GPC6: variants seen among roughly 807,000 people sequenced by gnomAD.
GPC6 encodes glypican 6, also known as glypican-6.
Under a neutral mutation model 55.2 loss-of-function variants are expected in GPC6, and 14 were observed. The observed-to-expected ratio is 0.25, with a 90% CI of 0.17 to 0.40. The LOEUF (loss-of-function observed/expected upper bound fraction) is 0.40, where lower values mean the gene tolerates loss of function less well. Among genes scored for constraint, GPC6 ranks in the 10% least tolerant of loss-of-function variants. GPC6 has a pLI of 1.00. For missense variants in GPC6, 641 were observed against 708.5 expected (o/e 0.90, Z 1.08); for synonymous variants, 278 against 259.6 (o/e 1.07, Z -0.68).
intron 2 of GPC6, among the ~76,000 whole-genome samples, chr13:93,724,986 A>T (rs1427384092): frequency 6.6e-6 from 1 of 151,992 alleles, no homozygotes; most frequent in African/African-American, 2.4e-5. Context: ...CCTAACATTT[A>T]AAAAAAAGTG....
At chr13:94,166,173 T>C (rs1304215457) in intron 4 of GPC6, among the ~76,000 whole-genome samples, 1 of 152,208 alleles carries the variant, frequency 6.6e-6, no homozygotes, top group Non-Finnish European at 1.5e-5. Context: ...GTTATCGTCA[T>C]CCCATGTCGA....
At chr13:93,910,292 G>GC (rs911136570) in intron 3 of GPC6, among the ~76,000 whole-genome samples, 2 of 152,000 alleles carry the variant, frequency 1.3e-5, no homozygotes. Context: ...TCTTTCTCTT[G>GC]CCCACCACCA....
intron 1 of GPC6, among the ~76,000 whole-genome samples, chr13:93,502,372 A>G (rs1880555240): frequency 6.6e-6 from 1 of 152,130 alleles, no homozygotes; most frequent in South Asian, 2.1e-4. Context: ...ACAATATTTT[A>G]AATATAAATT....
At chr13:93,513,050 G>C (rs1692423866) in intron 1 of GPC6, among the ~76,000 whole-genome samples, 1 of 152,132 alleles carries the variant, frequency 6.6e-6, no homozygotes, top group Admixed American at 6.6e-5. Context: ...GACTTTGTTA[G>C]CTATTGTCCT....
chr13:93,275,415 T>C (rs112135248), intron 1 of GPC6, among the ~76,000 whole-genome samples: 1,538 of 152,288 alleles, frequency 0.01, 29 homozygotes, highest in African/African-American at 0.035. Flanking sequence ...TATGTTTGAC[T>C]AGATAGTAAA....
At chr13:93,433,119 G>A (rs1228825243) in intron 1 of GPC6, among the ~76,000 whole-genome samples, 1 of 152,234 alleles carries the variant, frequency 6.6e-6, no homozygotes. Context: ...AAATCTATGT[G>A]AGCTATCAGT....
In GPC6 at chr13:93,820,460, T is replaced by C. The variant is rs908973778; in HGVS notation, c.320-9694T>C. On this transcript the variant is annotated intron_variant, in intron 2 of 8. Coordinates refer to ENST00000377047, the MANE Select transcript of GPC6 (RefSeq NM_005708.5). ...ATTTTTGAATTATGTGTTACAGTAT[T>C]TTTAACAGCCAATATACTTATGATT... Among the ~76,000 whole-genome samples the C allele has an allele frequency of 5.9e-5, 9 of 152,212 alleles. 1 individual carries two copies. Among genetic ancestry groups the C allele is most frequent in the African/African-American group, 2.2e-4 (9 of 41,568 alleles).
intron 4 of GPC6, among the ~76,000 whole-genome samples, chr13:94,041,901 C>T (rs1263282552): frequency 1.3e-5 from 2 of 151,874 alleles, no homozygotes; most frequent in Non-Finnish European, 1.5e-5. Flanking sequence ...ATATACCTAT[C>T]ACTCACCTTA....
chr13:93,441,342 C>T (rs1480555608), intron 1 of GPC6, among the ~76,000 whole-genome samples: 1 of 151,532 alleles, frequency 6.6e-6, no homozygotes, highest in East Asian at 1.9e-4. Flanking sequence ...TTTTCCACAT[C>T]CTCTCCAGTA....
At chr13:94,187,709 G>A (rs1254556776) in intron 4 of GPC6, among the ~76,000 whole-genome samples, 4 of 151,972 alleles carry the variant, frequency 2.6e-5, no homozygotes, top group African/African-American at 9.7e-5. Flanking sequence ...ACCCTCATGA[G>A]GCTTAGAGTC....
At chr13:94,267,578 A>G (rs1346735941) in intron 4 of GPC6, among the ~76,000 whole-genome samples, 1 of 152,146 alleles carries the variant, frequency 6.6e-6, no homozygotes, top group Non-Finnish European at 1.5e-5. Context: ...TTCTGACCCA[A>G]TTCCAGCTAA....
intron 4 of GPC6, among the ~76,000 whole-genome samples, chr13:94,250,769 G>A (rs545494379): frequency 6.6e-6 from 1 of 152,088 alleles, no homozygotes; most frequent in Non-Finnish European, 1.5e-5. Flanking sequence ...AAACAAGATT[G>A]GCCGTGAGTG....
At chr13:94,253,979 T>C (rs1182069633) in intron 4 of GPC6, among the ~76,000 whole-genome samples, 1 of 152,164 alleles carries the variant, frequency 6.6e-6, no homozygotes, top group Non-Finnish European at 1.5e-5. Context: ...TGATTTAGTC[T>C]TTCATTGATC....
intron 1 of GPC6, among the ~76,000 whole-genome samples, chr13:93,434,682 C>T (rs1877499346): frequency 6.6e-6 from 1 of 152,122 alleles, no homozygotes; most frequent in Admixed American, 6.6e-5. Flanking sequence ...CTGTAGATAA[C>T]ACAGTTTATC....
intron 1 of GPC6, among the ~76,000 whole-genome samples, chr13:93,389,683 A>G (rs1179491044): frequency 6.6e-6 from 1 of 151,944 alleles, no homozygotes; most frequent in Admixed American, 6.6e-5. Flanking sequence ...ATATGTATAC[A>G]CAAACACACA....
chr13:93,941,959 T>G (rs1037061916), intron 3 of GPC6, among the ~76,000 whole-genome samples: 5 of 152,150 alleles, frequency 3.3e-5, no homozygotes, highest in Admixed American at 6.5e-5. Context: ...TAGTCTTTCT[T>G]TAGAGGTACC....
intron 4 of GPC6, among the ~76,000 whole-genome samples, chr13:94,168,725 T>C (rs1888456663): frequency 6.8e-6 from 1 of 148,128 alleles, no homozygotes; most frequent in Non-Finnish European, 1.5e-5. Flanking sequence ...AAAATATATA[T>C]TATATATAAT....
At chr13:94,266,309 C>T (rs894796831) in intron 4 of GPC6, among the ~76,000 whole-genome samples, 7 of 152,264 alleles carry the variant, frequency 4.6e-5, no homozygotes, top group Admixed American at 1.3e-4. Flanking sequence ...GCTGGGACTA[C>T]AGGCGCCCGC....
At chr13:93,942,003 G>T (rs185540292) in intron 3 of GPC6, among the ~76,000 whole-genome samples, 1 of 152,082 alleles carries the variant, frequency 6.6e-6, no homozygotes, top group Non-Finnish European at 1.5e-5. Flanking sequence ...CACCAGCTGC[G>T]TTGGTCCAGC....
Sources: gnomAD v4.1 joint callset for allele counts (sites outside exome capture counted in the v4.1 genomes callset) on GRCh38, gnomAD v4.1.1 for gene constraint, MANE v1.5 for transcripts, NCBI Gene and HGNC (gene_info 2026-07-23, HGNC 2026-07-21) for gene names.